The following POLK variants were observed in gnomAD, a reference collection of about 807,000 sequenced individuals.
POLK encodes the protein polymerase (DNA directed) kappa.
In POLK, 76 loss-of-function variants were observed where a neutral mutation model predicts 94.0. The observed-to-expected ratio is 0.81, with a 90% CI of 0.67 to 0.98. POLK has a LOEUF of 0.98. Ranked by LOEUF, POLK falls within the 50% of genes least tolerant of loss-of-function variation. The pLI is 0.00. For missense variants in POLK, 954 were observed against 1,010.1 expected (o/e 0.94, Z 0.75); for synonymous variants, 349 against 325.4 (o/e 1.07, Z -0.78).
At chr5:75,541,996 G>A (rs1769766802) in intron 1 of POLK, among the ~76,000 whole-genome samples, 2 of 152,146 alleles carry the variant, frequency 1.3e-5, no homozygotes, top group Admixed American at 6.6e-5. Context: ...CATATAAGAT[G>A]TATTGGTTTG....
At chr5:75,585,287 A>G (rs1171462253) in intron 9 of POLK, among the ~76,000 whole-genome samples, 1 of 152,212 alleles carries the variant, frequency 6.6e-6, no homozygotes, top group African/African-American at 2.4e-5. Context: ...AGGAGATGTA[A>G]TGATTCTTCG....
intron 1 of POLK, among the ~76,000 whole-genome samples, chr5:75,517,244 G>A (rs1160338245): frequency 5.3e-5 from 8 of 152,040 alleles, no homozygotes; most frequent in Non-Finnish European, 1.2e-4. Context: ...TAGTATTGTC[G>A]TTTTAACAAT....
At chr5:75,555,035 G>A (rs1412225240) in intron 3 of POLK, among the ~76,000 whole-genome samples, 1 of 152,088 alleles carries the variant, frequency 6.6e-6, no homozygotes, top group African/African-American at 2.4e-5. Flanking sequence ...TGAATAAAAG[G>A]TACAAAGATT....
At chr5:75,601,440 C>T (rs572989845), downstream of POLK, among the ~76,000 whole-genome samples, 2 of 152,198 alleles carry the variant, frequency 1.3e-5, no homozygotes, top group Admixed American at 1.3e-4. Flanking sequence ...AAATATTGTT[C>T]CTGGGTGTGT....
intron 11 of POLK, 99 bp from the exon 12 acceptor site, chr5:75,593,779 G>C (rs182191216): frequency 3.3e-6 from 2 of 599,670 alleles, no homozygotes; most frequent in East Asian, 6.3e-5. Flanking sequence ...GAAGTTGAAG[G>C]CTGCAGTGAG....
intron 11 of POLK, among the ~76,000 whole-genome samples, chr5:75,590,765 G>T (rs954833623): frequency 6.6e-6 from 1 of 152,176 alleles, no homozygotes; most frequent in Non-Finnish European, 1.5e-5. Context: ...TAAGGCAAAA[G>T]AAAGGATTTC....
At chr5:75,551,978 A>G (rs1770359309) in intron 2 of POLK, among the ~76,000 whole-genome samples, 1 of 152,250 alleles carries the variant, frequency 6.6e-6, no homozygotes, top group Non-Finnish European at 1.5e-5. Context: ...ATGTCTATCA[A>G]CCAGATAAAT....
chr5:75,562,488 G>A (rs903155984), intron 3 of POLK, among the ~76,000 whole-genome samples: 7 of 152,106 alleles, frequency 4.6e-5, no homozygotes, highest in African/African-American at 1.7e-4. Flanking sequence ...CTTCCTAATT[G>A]AATACCCTTT....
At chr5:75,602,071 T>C (rs1447196343), downstream of POLK, among the ~76,000 whole-genome samples, 1 of 152,196 alleles carries the variant, frequency 6.6e-6, no homozygotes, top group East Asian at 1.9e-4. Flanking sequence ...CTGGTGCCTC[T>C]TCCTTGTTGA....
intron 1 of POLK, among the ~76,000 whole-genome samples, chr5:75,531,434 A>G (rs2112573029): frequency 6.6e-6 from 1 of 150,796 alleles, no homozygotes; most frequent in Admixed American, 6.6e-5. Context: ...ACACCAGTAT[A>G]TAGCTATTTA....
chr5:75,552,721 C>A, intron 3 of POLK, 130 bp downstream of exon 3: 1 of 948,512 alleles, frequency 1.1e-6, no homozygotes, highest in African/African-American at 1.6e-5. Context: ...CATACATATT[C>A]AGCAAATGAA....
intron 1 of POLK, among the ~76,000 whole-genome samples, chr5:75,542,790 G>A (rs1271505552): frequency 1.3e-5 from 2 of 149,426 alleles, no homozygotes; most frequent in Non-Finnish European, 3.0e-5. Flanking sequence ...CTGGCTCACT[G>A]CAACCGCCAC....
At chr5:75,581,974 C>T (rs926341047) in intron 7 of POLK, 37 of 978,794 alleles carry the variant, frequency 3.8e-5, no homozygotes, top group Admixed American at 6.2e-5. Context: ...CCACCGCGCC[C>T]GACTCATAAA....
At chr5:75,607,393 G>A in the POLK span, among the ~76,000 whole-genome samples, 531 of 151,870 alleles carry the variant, frequency 3.5e-3, 2 homozygotes, top group Non-Finnish European at 5.9e-3. Context: ...GCTTGAACCC[G>A]GGAGACGGAG....
chr5:75,571,162 G>A (rs979552184), intron 4 of POLK, among the ~76,000 whole-genome samples: 10 of 151,948 alleles, frequency 6.6e-5, no homozygotes, highest in Non-Finnish European at 1.3e-4. Flanking sequence ...CAAAATTATT[G>A]TTATATTTAA....
Position 75,511,793 on chromosome 5 carries a change from CAGG to C in POLK, c.-129_-127del, listed in dbSNP as rs1186244152. 77 of 1,551,508 alleles carry C rather than the reference CAGG, an allele frequency of 5.0e-5. No individual in the cohort carries two copies. In the East Asian group the frequency reaches 1.8e-3, roughly 37 times the overall value. The stretch of plus-strand genomic sequence containing the variant: ...TCCCGGGTGACGACGGGTAGAAAAG[CAGG>C]AGGAGCGGAGAAAGGAGAGGGCGGG... On this transcript the variant is annotated 5_prime_UTR_variant, in exon 1 of 15. Coordinates refer to ENST00000241436, the Ensembl canonical transcript of POLK.
intron 1 of POLK, among the ~76,000 whole-genome samples, chr5:75,526,310 C>A (rs1206920600): frequency 1.3e-5 from 2 of 151,920 alleles, no homozygotes; most frequent in Non-Finnish European, 2.9e-5. Context: ...TTGACTTCAG[C>A]AAAAACAAGA....
chr5:75,583,579 A>G (rs1163087929), intron 8 of POLK, among the ~76,000 whole-genome samples, 162 bp downstream of exon 8: 1 of 152,222 alleles, frequency 6.6e-6, no homozygotes, highest in East Asian at 1.9e-4. Flanking sequence ...AAACCTTTCT[A>G]TGAAACCATA....
chr5:75,551,829 TA>T (rs1770351003), intron 2 of POLK, among the ~76,000 whole-genome samples: 1 of 152,200 alleles, frequency 6.6e-6, no homozygotes, highest in Non-Finnish European at 1.5e-5. Context: ...AGGTTGAGTA[TA>T]GAGGTACCAT....
Sources: allele counts gnomAD v4.1 joint callset (sites outside exome capture counted in the v4.1 genomes callset), GRCh38; gene constraint gnomAD v4.1.1; transcripts MANE v1.5; gene names NCBI Gene and HGNC (gene_info 2026-07-23, HGNC 2026-07-21).